Variants in CACNA1B observed in about 807,000 individuals in gnomAD.
CACNA1B encodes voltage-dependent N-type calcium channel subunit alpha-1B.
In CACNA1B, 70 loss-of-function variants were observed where a neutral mutation model predicts 247.2. The observed-to-expected ratio is 0.28, with a 90% CI of 0.23 to 0.35. CACNA1B has a LOEUF of 0.35. Ranked by LOEUF, CACNA1B falls within the 10% of genes least tolerant of loss-of-function variation. The pLI is 1.00. For synonymous variants in CACNA1B, 1,231 were observed against 1,294.4 expected, an observed-to-expected ratio of 0.95 and a Z score of 1.05; for missense variants, 2,367 against 3,197.4, an observed-to-expected ratio of 0.74 and a Z score of 6.26.
At chr9:137,965,503 A>G (rs1164897837) in intron 10 of CACNA1B, among the ~76,000 whole-genome samples, 1 of 152,264 alleles carries the variant, frequency 6.6e-6, no homozygotes, top group African/African-American at 2.4e-5. Flanking sequence ...CAACATAGTG[A>G]GATCCCACCT....
At chr9:138,039,901 A>C (rs1367984253) in intron 20 of CACNA1B, among the ~76,000 whole-genome samples, 1 of 152,128 alleles carries the variant, frequency 6.6e-6, no homozygotes, top group African/African-American at 2.4e-5. Context: ...TATATTCATT[A>C]ATATTTTGCT....
rs563214664 is a variant in CACNA1B, at chr9:138,007,308, G to A, written c.2092+424G>A. Among the ~76,000 whole-genome samples the A allele has an allele frequency of 2.6e-5, 4 of 152,330 alleles. No individual in the cohort carries two copies. In the East Asian group the frequency reaches 7.7e-4, roughly 29 times the overall value. ...CCTTTGCAGAGAAATGTAAGGAAAGGTTTTCTGTGGAGGATGTCAGTTGGG... is the reference window on the plus strand; with the variant it reads ...CCTTTGCAGAGAAATGTAAGGAAAGATTTTCTGTGGAGGATGTCAGTTGGG... On this transcript the variant is annotated intron_variant, in intron 16 of 46. Transcript: ENST00000371372. The surrounding 1 kb of genome is among the most constrained non-coding windows in gnomAD (Gnocchi z 4.1).
At position 137,955,117 on chromosome 9, in the gene CACNA1B, G is replaced by C. The variant is rs1192244179; in HGVS notation, c.1071-581G>C. Among the ~76,000 whole-genome samples, 3 of 152,142 alleles carry C rather than the reference G, an allele frequency of 2.0e-5. No individual in the cohort carries two copies. Among genetic ancestry groups the C allele is most frequent in the African/African-American group, 7.2e-5 (3 of 41,430 alleles). ...CTCCTGCTCACTGTGAGCCTCAGAGGCTTGGTTGAGGAGGCTACGTGGACT... is the reference window on the plus strand; with the variant it reads ...CTCCTGCTCACTGTGAGCCTCAGAGCCTTGGTTGAGGAGGCTACGTGGACT... On this transcript the variant is annotated intron_variant, in intron 7 of 46. Transcript: ENST00000371372. The surrounding 1 kb of genome is among the most constrained non-coding windows in gnomAD (Gnocchi z 6.9).
chr9:137,980,041 G>C (rs931488471), intron 12 of CACNA1B, among the ~76,000 whole-genome samples: 2 of 152,204 alleles, frequency 1.3e-5, no homozygotes, highest in Admixed American at 1.3e-4. Flanking sequence ...CACTCCCTTT[G>C]CTTTTCCATG....
At chr9:138,024,826 G>T (rs1958900327) in intron 19 of CACNA1B, 129 bp from the exon 20 acceptor site, 1 of 658,030 alleles carries the variant, frequency 1.5e-6, no homozygotes, top group Non-Finnish European at 2.7e-6. Context: ...TAGAGATGGG[G>T]TTTCGCCATA....
Position 138,043,731 on chromosome 9 carries a change from A to G in CACNA1B, c.3287-43A>G, listed in dbSNP as rs3750506. 0.25 allele frequency: 402,409 copies of G among 1,609,844 alleles called. 62,610 individuals are homozygous for G. Among genetic ancestry groups the G allele is most frequent in the East Asian group, 0.65 (29,096 of 44,754 alleles). ...GAGGGAGCCACGCAACGTGGGCTTCATGTGCACTACACCCCTTACTCGGGG... is the reference window on the plus strand; with the variant it reads ...GAGGGAGCCACGCAACGTGGGCTTCGTGTGCACTACACCCCTTACTCGGGG... On this transcript the variant is annotated intron_variant, in intron 20 of 46. Transcript: ENST00000371372.
chr9:138,000,370 T>C (rs1428132228), intron 15 of CACNA1B, among the ~76,000 whole-genome samples: 3 of 152,148 alleles, frequency 2.0e-5, no homozygotes, highest in African/African-American at 7.2e-5. Context: ...AGTGCTGGGA[T>C]TACAGACATG....
chr9:138,005,265 A>G lies in CACNA1B; in HGVS notation c.1975-1502A>G, dbSNP rs1440245211. Among the ~76,000 whole-genome samples the G allele has an allele frequency of 2.6e-5, 4 of 152,366 alleles. No individual in the cohort carries two copies. The East Asian group carries it at 7.7e-4, about 29-fold the overall frequency. ...ATACAGAAAATATGGTGTATATATA[A>G]CAGAACACTATTCAGCCACAAAAAG... On this transcript the variant is annotated intron_variant, in intron 15 of 46. Coordinates refer to ENST00000371372, the MANE Select transcript of CACNA1B (RefSeq NM_000718.4).
intron 20 of CACNA1B, among the ~76,000 whole-genome samples, chr9:138,031,182 C>G (rs902661815): frequency 6.6e-6 from 1 of 152,068 alleles, no homozygotes; most frequent in African/African-American, 2.4e-5. Context: ...ACATTTAGCT[C>G]TGTAAGTTTC....
At chr9:137,981,255 T>C (rs572588381) in intron 12 of CACNA1B, among the ~76,000 whole-genome samples, 1 of 152,332 alleles carries the variant, frequency 6.6e-6, no homozygotes, top group African/African-American at 2.4e-5. Context: ...AGCATTTTTT[T>C]CCATATCTTT....
chr9:138,051,861 G>A lies in CACNA1B; in HGVS notation c.3711-231G>A, dbSNP rs1344114066. Among the ~76,000 whole-genome samples the A allele has an allele frequency of 6.6e-6, 1 of 152,166 alleles. No homozygotes were observed. Among genetic ancestry groups the A allele is most frequent in the East Asian group, 1.9e-4 (1 of 5,166 alleles). On this transcript the variant is annotated intron_variant, in intron 24 of 46. Transcript: ENST00000371372. This position sits in a 1 kb window ranked among gnomAD's most constrained non-coding sequence, Gnocchi z 4.3. Reference sequence around the variant, plus strand: ...TTCTCCTTGTGCACCAGATGCTGCTGCCCTAGCCCCAGCTCCTGTCCTTAG... The same window carrying A: ...TTCTCCTTGTGCACCAGATGCTGCTACCCTAGCCCCAGCTCCTGTCCTTAG...
intron 15 of CACNA1B, among the ~76,000 whole-genome samples, chr9:137,998,051 T>C (rs1199377526): frequency 1.3e-5 from 2 of 152,044 alleles, no homozygotes; most frequent in African/African-American, 4.8e-5. Context: ...AGTAAACGTA[T>C]AAAAGCTTGC....
rs959414458 is a variant in CACNA1B at position 138,058,341 on chromosome 9, C to T, written c.4308+91C>T. ...GCACACAAATCACTCACAGCTGGGT[C>T]AGCTTTGGCTGCCACCGTCTGCCAA... On this transcript the variant is annotated intron_variant, in intron 28 of 46. Transcript: ENST00000371372. The surrounding 1 kb of genome is among the most constrained non-coding windows in gnomAD (Gnocchi z 4.7). The T allele has an allele frequency of 3.3e-6, 4 of 1,199,570 alleles. No homozygotes were observed. Among genetic ancestry groups the T allele is most frequent in the African/African-American group, 1.5e-5 (1 of 66,586 alleles). The allele number at this position is 1,199,570 out of a possible 1,614,324, so 74.3% of individuals were successfully genotyped here. A position where few individuals can be genotyped will look rare whatever the true frequency, so the allele number is the denominator to read the frequency against.
intron 18 of CACNA1B, among the ~76,000 whole-genome samples, chr9:138,022,806 G>T (rs1183174002): frequency 2.3e-4 from 2 of 8,550 alleles, no homozygotes; most frequent in Non-Finnish European, 4.6e-4. Context: ...GGGACACCGT[G>T]GGGGGGGGGG....
intron 6 of CACNA1B, among the ~76,000 whole-genome samples, chr9:137,951,940 C>T (rs894583702): frequency 6.6e-6 from 1 of 152,320 alleles, no homozygotes; most frequent in Middle Eastern, 3.4e-3. Context: ...GTTGGGTGCT[C>T]ATGCCACCTC....
intron 3 of CACNA1B, among the ~76,000 whole-genome samples, chr9:137,889,334 C>T (rs1249349144): frequency 6.7e-6 from 1 of 150,216 alleles, no homozygotes; most frequent in African/African-American, 2.4e-5. Flanking sequence ...GCCAGACATT[C>T]TCTCCCTTTC....
chr9:137,909,972 T>C (rs1588999062), intron 3 of CACNA1B, among the ~76,000 whole-genome samples: 1 of 152,120 alleles, frequency 6.6e-6, no homozygotes, highest in East Asian at 1.9e-4. Context: ...CATTTCACCA[T>C]GTTGGCCAGG....
At chr9:138,074,818 C>T (rs1054450596) in intron 34 of CACNA1B, among the ~76,000 whole-genome samples, 4 of 152,210 alleles carry the variant, frequency 2.6e-5, no homozygotes, top group African/African-American at 4.8e-5. Flanking sequence ...TGCACAGTGG[C>T]GGTCGGTTAT....
Position 138,052,055 on chromosome 9 carries a change from C to T in CACNA1B, c.3711-37C>T. 1 of 1,262,544 alleles carries T rather than the reference C, an allele frequency of 7.9e-7. No individual in the cohort carries two copies. Among genetic ancestry groups the T allele is most frequent in the Non-Finnish European group, 1.2e-6 (1 of 866,044 alleles). The allele number at this position is 1,262,544 out of a possible 1,614,324, so 78.2% of individuals were successfully genotyped here. A position where few individuals can be genotyped will look rare whatever the true frequency, so the allele number is the denominator to read the frequency against. On this transcript the variant is annotated intron_variant, in intron 24 of 46. Transcript: ENST00000371372. The surrounding 1 kb of genome is among the most constrained non-coding windows in gnomAD (Gnocchi z 5.1). ...ACGTGGGAGCTGGGCACACCCATGC[C>T]TCCTGCCTGTCTGCATCTGTGGCTT...
Sources: allele counts gnomAD v4.1 joint callset (sites outside exome capture counted in the v4.1 genomes callset), GRCh38; gene constraint gnomAD v4.1.1; non-coding constraint Gnocchi (gnomAD v3.1); transcripts MANE v1.5; gene names NCBI Gene and HGNC (gene_info 2026-07-23, HGNC 2026-07-21).